Variants in COL4A5 observed in about 807,000 individuals in gnomAD.
COL4A5 encodes the protein collagen alpha-5(IV) chain.
A neutral mutation model predicts 130.2 loss-of-function variants in COL4A5; 26 were observed. The observed-to-expected ratio is 0.20, with a 90% CI of 0.15 to 0.28. COL4A5 has a LOEUF of 0.28. Among genes scored for constraint, COL4A5 ranks in the 10% least tolerant of loss-of-function variants. The probability of loss-of-function intolerance (pLI) is 1.00; values close to 1 mark genes in which losing one functional copy is unlikely to be tolerated. For synonymous variants in COL4A5, 496 were observed against 439.6 expected, an observed-to-expected ratio of 1.13 and a Z score of -1.60; for missense variants, 1,131 against 1,344.3, an observed-to-expected ratio of 0.84 and a Z score of 2.48.
chrX:108,481,631 C>G (rs915939367), intron 1 of COL4A5, among the ~76,000 whole-genome samples: 1 of 111,818 alleles, frequency 8.9e-6, no homozygotes, highest in African/African-American at 3.3e-5. Flanking sequence ...TTCGCTTTTG[C>G]TGTCCATTAC....
In COL4A5 at chrX:108,534,870, G is replaced by C. The variant is rs181484902; in HGVS notation, c.82-4876G>C. ...TCACAAATATCTGTAGATTTTTCTTGAGAAATCTTAGCCGTTGTCTCTTTA... is the reference window on the plus strand; with the variant it reads ...TCACAAATATCTGTAGATTTTTCTTCAGAAATCTTAGCCGTTGTCTCTTTA... On this transcript the variant is annotated intron_variant, in intron 1 of 52. Transcript: ENST00000328300. Among the ~76,000 whole-genome samples, 661 of 110,493 alleles carry C rather than the reference G, an allele frequency of 6.0e-3. 2 individuals carry two copies. The highest frequency in any genetic ancestry group is 0.035 in the East Asian group (123 of 3,480).
At chrX:108,602,080 A>G (rs1326603987) in intron 27 of COL4A5, 91 bp downstream of exon 27, 7 of 510,620 alleles carry the variant, frequency 1.4e-5, no homozygotes, top group Admixed American at 2.9e-5. Flanking sequence ...AAAATATATT[A>G]ATTGCACCTT....
chrX:108,515,375 G>A (rs984759767), intron 1 of COL4A5, among the ~76,000 whole-genome samples: 3 of 111,841 alleles, frequency 2.7e-5, no homozygotes, highest in Non-Finnish European at 3.8e-5. Context: ...AACAAGAGGC[G>A]AAGCAGCAAA....
chrX:108,632,153 C>A (rs1388672450), intron 36 of COL4A5, among the ~76,000 whole-genome samples: 3 of 111,225 alleles, frequency 2.7e-5, no homozygotes, highest in Non-Finnish European at 3.8e-5. Flanking sequence ...AATATCATCA[C>A]CGATCCCACA....
At chrX:108,620,522 C>T (rs755805096) in intron 31 of COL4A5, 96 bp downstream of exon 31, 125 of 723,021 alleles carry the variant, frequency 1.7e-4, no homozygotes, top group Non-Finnish European at 2.3e-4. Context: ...TCTAGATTGA[C>T]GTGATCCCTT....
chrX:108,503,845 T>C (rs1316776321), intron 1 of COL4A5, among the ~76,000 whole-genome samples: 1 of 111,658 alleles, frequency 9.0e-6, no homozygotes, highest in Non-Finnish European at 1.9e-5. Context: ...TTCAATGCAA[T>C]ACCTATCAAA....
At chrX:108,572,623 C>T (rs949266366) in intron 8 of COL4A5, among the ~76,000 whole-genome samples, 1 of 111,520 alleles carries the variant, frequency 9.0e-6, no homozygotes, top group African/African-American at 3.3e-5. Context: ...CCACTGTTAC[C>T]ACGTTAATCA....
chrX:108,627,657 A>T, intron 36 of COL4A5: 1 of 542,163 alleles, frequency 1.8e-6, no homozygotes, highest in Non-Finnish European at 2.2e-6. Flanking sequence ...ATAATGTAAC[A>T]TATGAACTTG....
chrX:108,544,448 A>G (rs773650694), intron 2 of COL4A5, among the ~76,000 whole-genome samples: 26 of 111,916 alleles, frequency 2.3e-4, no homozygotes, highest in African/African-American at 8.4e-4. Flanking sequence ...CTTGCATCCC[A>G]GGGATGAAGC....
intron 49 of COL4A5, chrX:108,689,862 A>G: frequency 1.3e-6 from 1 of 754,304 alleles, no homozygotes; most frequent in Non-Finnish European, 1.6e-6. Context: ...TATGGGGTAT[A>G]GAGGGCATTG....
chrX:108,608,866 T>G (rs1481124423), intron 29 of COL4A5, among the ~76,000 whole-genome samples: 1 of 111,871 alleles, frequency 8.9e-6, no homozygotes, highest in Non-Finnish European at 1.9e-5. Context: ...TTATTTCGCC[T>G]GTTAACTCCT....
chrX:108,514,977 C>T (rs1377623598), intron 1 of COL4A5, among the ~76,000 whole-genome samples: 1 of 111,569 alleles, frequency 9.0e-6, no homozygotes, highest in Non-Finnish European at 1.9e-5. Context: ...TATAGCATCT[C>T]CAATCAATTT....
At chrX:108,495,639 C>A (rs2065028839) in intron 1 of COL4A5, among the ~76,000 whole-genome samples, 2 of 111,467 alleles carry the variant, frequency 1.8e-5, no homozygotes, top group Non-Finnish European at 3.8e-5. Flanking sequence ...AATAGACCTC[C>A]CTGAATGGGC....
chrX:108,584,406 AAGT>A, intron 17 of COL4A5, 75 bp from the exon 18 acceptor site: 4 of 901,997 alleles, frequency 4.4e-6, no homozygotes, highest in Non-Finnish European at 6.4e-6. Context: ...TCTTTTTGGA[AAGT>A]TTCTCTTATA....
At chrX:108,458,762 C>T (rs1030261990) in intron 1 of COL4A5, among the ~76,000 whole-genome samples, 6 of 111,587 alleles carry the variant, frequency 5.4e-5, no homozygotes, top group African/African-American at 1.6e-4. Flanking sequence ...GGGTGGATCA[C>T]GAGGTCAGGA....
chrX:108,556,047 G>A (rs2065819279), intron 2 of COL4A5, among the ~76,000 whole-genome samples: 1 of 111,633 alleles, frequency 9.0e-6, no homozygotes, highest in Admixed American at 9.5e-5. Flanking sequence ...GTAATTCGAG[G>A]GGAGTTAAAG....
intron 37 of COL4A5, among the ~76,000 whole-genome samples, chrX:108,663,090 C>T (rs747179376): frequency 1.7e-4 from 19 of 112,222 alleles, no homozygotes; most frequent in Non-Finnish European, 2.8e-4. Flanking sequence ...TGTTTTAAGT[C>T]ATTAACTTTG....
intron 1 of COL4A5, among the ~76,000 whole-genome samples, chrX:108,460,563 C>T (rs2064634732): frequency 9.3e-6 from 1 of 107,897 alleles, no homozygotes; most frequent in African/African-American, 3.4e-5. Context: ...GGTCTTGGCA[C>T]ACTGCAACCT....
At chrX:108,440,263 CT>C (rs1368375523) in intron 1 of COL4A5, 57 bp downstream of exon 1, 74 of 815,108 alleles carry the variant, frequency 9.1e-5, no homozygotes, top group Non-Finnish European at 1.1e-4. Flanking sequence ...CTGAAATTAC[CT>C]TTTTTTTGGG....
Sources: allele counts gnomAD v4.1 joint callset (sites outside exome capture counted in the v4.1 genomes callset), GRCh38; gene constraint gnomAD v4.1.1; transcripts MANE v1.5; gene names NCBI Gene and HGNC (gene_info 2026-07-23, HGNC 2026-07-21).